The following EPSTI1 variants were observed in gnomAD, a reference collection of about 807,000 sequenced individuals.
EPSTI1 encodes epithelial-stromal interaction protein 1.
In EPSTI1, 66 loss-of-function variants were observed where a neutral mutation model predicts 49.9. The ratio of observed to expected loss-of-function variants is 1.32; its 90% CI spans 1.08 to 1.62. The LOEUF is 1.62. Ranked by LOEUF, EPSTI1 falls within the 40% of genes most tolerant of loss-of-function variation. The probability of loss-of-function intolerance (pLI) is 0.00; values close to 1 mark genes in which losing one functional copy is unlikely to be tolerated. For synonymous variants in EPSTI1, 137 were observed against 130.7 expected (o/e 1.05, Z -0.33); for missense variants, 394 against 365.5 (o/e 1.08, Z -0.64).
chr13:42,931,812 A>C (rs1287722237), intron 6 of EPSTI1, among the ~76,000 whole-genome samples: 1 of 152,170 alleles, frequency 6.6e-6, no homozygotes, highest in Non-Finnish European at 1.5e-5. Flanking sequence ...GATATAATAC[A>C]TTTAACATTC....
intron 5 of EPSTI1, among the ~76,000 whole-genome samples, chr13:42,956,179 C>T (rs770532582): frequency 1.3e-5 from 2 of 152,130 alleles, no homozygotes; most frequent in Non-Finnish European, 2.9e-5. Flanking sequence ...TCCACAGTAA[C>T]TCAATGCCTA....
At chr13:42,896,169 C>T (rs946658618) in intron 9 of EPSTI1, among the ~76,000 whole-genome samples, 1 of 152,074 alleles carries the variant, frequency 6.6e-6, no homozygotes, top group Non-Finnish European at 1.5e-5. Context: ...AACTTTAGGT[C>T]CCATCGGGCT....
intron 6 of EPSTI1, among the ~76,000 whole-genome samples, chr13:42,948,486 T>C (rs1355796725): frequency 2.6e-4 from 39 of 151,616 alleles, no homozygotes; most frequent in Non-Finnish European, 4.4e-4. Flanking sequence ...TTTTGTTTTT[T>C]TCGGTGAGAC....
chr13:42,988,528 T>G (rs1315669212), intron 1 of EPSTI1, among the ~76,000 whole-genome samples: 1 of 152,114 alleles, frequency 6.6e-6, no homozygotes, highest in African/African-American at 2.4e-5. Context: ...GTCAGGAGTT[T>G]GAGACCGGCC....
At chr13:42,971,810 C>T (rs2039774690) in intron 1 of EPSTI1, among the ~76,000 whole-genome samples, 1 of 152,198 alleles carries the variant, frequency 6.6e-6, no homozygotes. Flanking sequence ...TAATTTTAGA[C>T]TTGTAAATGT....
chr13:42,968,907 G>GA (rs61506027), intron 3 of EPSTI1, among the ~76,000 whole-genome samples, 187 bp downstream of exon 3: 22,184 of 114,408 alleles, frequency 0.19, 3,417 homozygotes, highest in African/African-American at 0.39. Context: ...CAGAAAATCA[G>GA]AAAAAAAAAA....
intron 1 of EPSTI1, among the ~76,000 whole-genome samples, chr13:42,974,161 C>T (rs1290104078): frequency 1.3e-5 from 2 of 151,054 alleles, no homozygotes; most frequent in South Asian, 4.2e-4. Context: ...CATGGTAAAA[C>T]CCTGTCTCTA....
At chr13:42,919,674 A>T (rs2037938868) in intron 7 of EPSTI1, among the ~76,000 whole-genome samples, 1 of 152,246 alleles carries the variant, frequency 6.6e-6, no homozygotes, top group Non-Finnish European at 1.5e-5. Flanking sequence ...GATATGATAG[A>T]GGAAGCCAAA....
In EPSTI1 at chr13:42,887,664, TAAG is replaced by T. The variant is rs554023966; in HGVS notation, c.*827_*829del. On this transcript the variant is annotated 3_prime_UTR_variant, in exon 11 of 11. Transcript: ENST00000313624. ...ACTGGTTCAGGGTCACAGAAGTGAATAAGAAAGCCAACTGAACTAGCAATAGGA... is the reference window on the plus strand; with the variant it reads ...ACTGGTTCAGGGTCACAGAAGTGAATAAAGCCAACTGAACTAGCAATAGGA... 5 of 152,246 alleles carry T rather than the reference TAAG, an allele frequency of 3.3e-5. No individual in the cohort carries two copies. In the South Asian group the frequency reaches 1.0e-3, roughly 32 times the overall value. 9.4% of individuals were successfully genotyped at this position (152,246 alleles called of 1,614,324 possible).
At chr13:42,942,658 C>CTTTTTTTTTTTT (rs1161224574) in intron 6 of EPSTI1, among the ~76,000 whole-genome samples, 6 of 64,626 alleles carry the variant, frequency 9.3e-5, no homozygotes, top group African/African-American at 2.6e-4. Flanking sequence ...CCTGTTGATT[C>CTTTTTTTTTTTT]TTTTTTTTTT....
intron 5 of EPSTI1, among the ~76,000 whole-genome samples, chr13:42,962,619 CAAA>C (rs67950561): frequency 3.0e-5 from 4 of 132,900 alleles, no homozygotes; most frequent in African/African-American, 2.8e-5. Context: ...ACAAAAAATA[CAAA>C]AAAAAAAAAA....
intron 1 of EPSTI1, among the ~76,000 whole-genome samples, chr13:42,971,477 G>T (rs183493379): frequency 2.0e-5 from 3 of 152,140 alleles, no homozygotes; most frequent in Admixed American, 6.6e-5. Context: ...GATGATGCAC[G>T]TGATCCCACA....
intron 6 of EPSTI1, among the ~76,000 whole-genome samples, chr13:42,948,429 T>TCG (rs35250104): frequency 6.7e-6 from 1 of 148,186 alleles, no homozygotes; most frequent in Non-Finnish European, 1.5e-5. Context: ...CTTGTTGTTT[T>TCG]TTTTTTTTTT....
At chr13:42,968,342 G>A (rs117333564) in intron 3 of EPSTI1, among the ~76,000 whole-genome samples, 5,024 of 152,066 alleles carry the variant, frequency 0.033, 121 homozygotes, top group Non-Finnish European at 0.052. Context: ...GCAGGGTGTG[G>A]GGAGGGAACT....
chr13:42,897,880 C>T (rs2037241311), intron 9 of EPSTI1, among the ~76,000 whole-genome samples: 1 of 152,184 alleles, frequency 6.6e-6, no homozygotes, highest in Non-Finnish European at 1.5e-5. Context: ...AAAGTACATA[C>T]ATGCTACTGC....
rs186701763 is a variant in EPSTI1 at position 42,941,614 on chromosome 13, T to C, written c.563+12334A>G. ...TAGCCTGGGTGACAGAGCAAGACACTGGAAAAAAAAAAAAACAGAAAAAAA... is the reference window on the plus strand; with the variant it reads ...TAGCCTGGGTGACAGAGCAAGACACCGGAAAAAAAAAAAAACAGAAAAAAA... On this transcript the variant is annotated intron_variant, in intron 6 of 10. Transcript: ENST00000313624. 1.1e-4 allele frequency among the ~76,000 whole-genome samples: 12 copies of C among 113,558 alleles called. No individual in the cohort carries two copies. In the East Asian group the frequency reaches 3.6e-3, roughly 34 times the overall value. 74.5% of individuals were successfully genotyped at this position (113,558 alleles called of 152,430 possible). A position where few individuals can be genotyped will look rare whatever the true frequency, so the allele number is the denominator to read the frequency against.
At chr13:42,935,774 G>A (rs1309073405) in intron 6 of EPSTI1, among the ~76,000 whole-genome samples, 2 of 151,876 alleles carry the variant, frequency 1.3e-5, no homozygotes, top group Non-Finnish European at 2.9e-5. Flanking sequence ...TGTATTTTTA[G>A]TAGAGACAGG....
rs1177638441 is a variant in EPSTI1, at chr13:42,895,061, C to T, written c.863G>A (p.Gly288Asp). ...LDRLQGKSQP[G>D]GLEQSGGCWN... ...ACAGCCTCCAGATTGCTCGAGGCCA[C>T]CTGGTTGACTTTTGCCTTGGAGTCG... The change falls in exon 10 of 11, where the codon GGT becomes GAT. Residue 288 changes from glycine (G) to aspartate (D), a missense_variant. Transcript: ENST00000313624. 6.2e-7 allele frequency: 1 copy of T among 1,613,646 alleles called. No homozygotes were observed. Among genetic ancestry groups the T allele is most frequent in the South Asian group, 1.1e-5 (1 of 90,934 alleles).
At chr13:42,986,355 TC>T (rs1382577640) in intron 1 of EPSTI1, among the ~76,000 whole-genome samples, 2 of 152,168 alleles carry the variant, frequency 1.3e-5, no homozygotes, top group African/African-American at 4.8e-5. Flanking sequence ...GTGCTAAGTG[TC>T]TTTTTTATGC....
Sources: allele counts gnomAD v4.1 joint callset (sites outside exome capture counted in the v4.1 genomes callset), GRCh38; gene constraint gnomAD v4.1.1; transcripts MANE v1.5; gene names NCBI Gene and HGNC (gene_info 2026-07-23, HGNC 2026-07-21).